SHLD1: variants seen among roughly 807,000 people sequenced by gnomAD.
SHLD1 encodes shieldin complex subunit 1, also known as RINN1-REV7-interacting novel NHEJ regulator 3.
A neutral mutation model predicts 5.5 loss-of-function variants in SHLD1; 3 were observed. The observed-to-expected ratio is 0.54, with a 90% CI of 0.25 to 1.40. The LOEUF is 1.40. Among genes scored for constraint, SHLD1 ranks in the 40% most tolerant of loss-of-function variants. The pLI is 0.15. For missense variants in SHLD1, 210 were observed against 244.4 expected, an observed-to-expected ratio of 0.86 and a Z score of 0.94; for synonymous variants, 92 against 94.3, an observed-to-expected ratio of 0.98 and a Z score of 0.14.
intron 2 of SHLD1, among the ~76,000 whole-genome samples, chr20:5,840,666 G>A (rs558930266): frequency 3.2e-4 from 49 of 152,280 alleles, no homozygotes; most frequent in Admixed American, 1.2e-3. Context: ...CCCTTTGGCC[G>A]TTCATTTCTG....
intron 1 of SHLD1, among the ~76,000 whole-genome samples, chr20:5,759,253 G>A (rs1490678526): frequency 6.7e-6 from 1 of 150,360 alleles, no homozygotes; most frequent in East Asian, 2.0e-4. Flanking sequence ...GTGCCCAGCC[G>A]ACACCTTTTT....
intron 1 of SHLD1, among the ~76,000 whole-genome samples, chr20:5,762,195 T>C (rs111324941): frequency 0.013 from 2,028 of 151,598 alleles, 19 homozygotes; most frequent in African/African-American, 0.032. Context: ...GAGGTTGCAG[T>C]GAGCCGAGAT....
chr20:5,856,769 T>G (rs2088091427), intron 2 of SHLD1, among the ~76,000 whole-genome samples: 1 of 152,246 alleles, frequency 6.6e-6, no homozygotes. Context: ...TTTTATTTTT[T>G]AATTGGAAGA....
intron 2 of SHLD1, among the ~76,000 whole-genome samples, chr20:5,821,769 G>C (rs937325039): frequency 6.6e-6 from 1 of 152,152 alleles, no homozygotes. Context: ...GCCACCGGAT[G>C]CTTGGCTGGA....
chr20:5,764,184 ATATATATTT>A (rs1984682151), intron 1 of SHLD1, among the ~76,000 whole-genome samples: 2 of 63,678 alleles, frequency 3.1e-5, no homozygotes, highest in Admixed American at 4.7e-4. Flanking sequence ...ATTTTTATAT[ATATATATTT>A]TATATATATA....
In SHLD1 at chr20:5,819,639, C is replaced by T. The variant is rs150170398; in HGVS notation, c.179-43385C>T. ...GAGTTCGAGACCAGCCTGGGCAACA[C>T]AGCAAGACCCTGTTTCTACAAAAAA... On this transcript the variant is annotated intron_variant, in intron 2 of 2. Coordinates refer to ENST00000303142, the MANE Select transcript of SHLD1 (RefSeq NM_152504.4). Among the ~76,000 whole-genome samples, 1,276 of 152,198 alleles carry T rather than the reference C, an allele frequency of 8.4e-3. 16 individuals carry two copies. The highest frequency in any genetic ancestry group is 0.014 in the Non-Finnish European group (971 of 67,994).
At chr20:5,755,425 T>C (rs1359769957) in intron 1 of SHLD1, among the ~76,000 whole-genome samples, 1 of 152,192 alleles carries the variant, frequency 6.6e-6, no homozygotes, top group African/African-American at 2.4e-5. Context: ...TGCCTGATGA[T>C]CGGAAGTAGA....
chr20:5,828,805 T>C (rs1460759899), intron 2 of SHLD1, among the ~76,000 whole-genome samples: 1 of 152,222 alleles, frequency 6.6e-6, no homozygotes, highest in African/African-American at 2.4e-5. Flanking sequence ...AAATTGAAAA[T>C]TGGCATGATT....
At chr20:5,816,161 G>A (rs2087528753) in intron 2 of SHLD1, among the ~76,000 whole-genome samples, 1 of 151,538 alleles carries the variant, frequency 6.6e-6, no homozygotes, top group Non-Finnish European at 1.5e-5. Flanking sequence ...TGAATTGTTG[G>A]TCATAAAATT....
At chr20:5,816,025 G>A (rs1356321349) in intron 2 of SHLD1, among the ~76,000 whole-genome samples, 1 of 144,290 alleles carries the variant, frequency 6.9e-6, no homozygotes, top group Non-Finnish European at 1.5e-5. Flanking sequence ...AGGTTGCAGT[G>A]AGCTGAGATC....
chr20:5,809,660 T>C (rs1268144276), intron 2 of SHLD1, among the ~76,000 whole-genome samples: 1 of 152,064 alleles, frequency 6.6e-6, no homozygotes. Context: ...TCTACACCAT[T>C]GGTTCTCAAC....
At chr20:5,758,304 A>G (rs1485076763) in intron 1 of SHLD1, among the ~76,000 whole-genome samples, 1 of 111,940 alleles carries the variant, frequency 8.9e-6, no homozygotes, top group African/African-American at 3.5e-5. Flanking sequence ...GTCTCAGAGA[A>G]GGAAAGGGAA....
chr20:5,827,881 A>T (rs762773248), intron 2 of SHLD1, among the ~76,000 whole-genome samples: 1 of 110,184 alleles, frequency 9.1e-6, no homozygotes, highest in Non-Finnish European at 2.3e-5. Flanking sequence ...TCCTCTATAG[A>T]CCAGATCATT....
chr20:5,752,881 A>C lies in SHLD1; in HGVS notation c.-5+2402A>C, dbSNP rs574019078. Among the ~76,000 whole-genome samples the C allele has an allele frequency of 3.2e-3, 479 of 151,806 alleles. 6 individuals carry two copies. The highest frequency in any genetic ancestry group is 0.011 in the African/African-American group (463 of 41,406). On this transcript the variant is annotated intron_variant, in intron 1 of 2. Transcript: ENST00000303142. ...GCAGTCTCAGCTCACTGCAACCTCC[A>C]CCTCCTGGGTTCAAGCGATTCTCCT...
At chr20:5,756,026 T>C (rs1032824573) in intron 1 of SHLD1, among the ~76,000 whole-genome samples, 5 of 152,200 alleles carry the variant, frequency 3.3e-5, no homozygotes, top group Admixed American at 2.0e-4. Context: ...GCGTATCTTA[T>C]TGCTATGAAG....
In SHLD1 at chr20:5,820,267, T is replaced by G. The variant is rs16991327; in HGVS notation, c.179-42757T>G. 4.0e-3 allele frequency among the ~76,000 whole-genome samples: 602 copies of G among 152,360 alleles called. 2 individuals carry two copies. The highest frequency in any genetic ancestry group is 0.014 in the African/African-American group (571 of 41,582). Reference sequence around the variant, plus strand: ...AGCCAGTCTTATTAAATGCTTCAAATATATGTCACATTCAGCTTCATGTCC... The same window carrying G: ...AGCCAGTCTTATTAAATGCTTCAAAGATATGTCACATTCAGCTTCATGTCC... On this transcript the variant is annotated intron_variant, in intron 2 of 2. Transcript: ENST00000303142.
At chr20:5,758,707 C>G (rs1427392255) in intron 1 of SHLD1, among the ~76,000 whole-genome samples, 1 of 152,024 alleles carries the variant, frequency 6.6e-6, no homozygotes, top group Non-Finnish European at 1.5e-5. Context: ...GTGTGAGCCA[C>G]TGCACCTGGC....
chr20:5,786,224 A>G (rs1357366084), intron 2 of SHLD1, among the ~76,000 whole-genome samples: 1 of 152,200 alleles, frequency 6.6e-6, no homozygotes, highest in African/African-American at 2.4e-5. Flanking sequence ...AACCAGCCAT[A>G]GAACCTAAAA....
chr20:5,786,105 C>G (rs949353466), intron 2 of SHLD1, among the ~76,000 whole-genome samples: 15 of 152,148 alleles, frequency 9.9e-5, no homozygotes, highest in Non-Finnish European at 2.1e-4. Context: ...TTCCTTTGAC[C>G]TTTGTCTGCC....
Sources: gnomAD v4.1 joint callset for allele counts (sites outside exome capture counted in the v4.1 genomes callset) on GRCh38, gnomAD v4.1.1 for gene constraint, MANE v1.5 for transcripts, NCBI Gene and HGNC (gene_info 2026-07-23, HGNC 2026-07-21) for gene names.